The following HRH1 variants were observed in gnomAD, a reference collection of about 807,000 sequenced individuals.
The protein encoded by HRH1 is histamine receptor H1, also known as histamine H1 receptor.
HRH1 carries 6 observed loss-of-function variants against 10.3 expected under a neutral mutation model. The observed-to-expected ratio is 0.58, with a 90% confidence interval of 0.32 to 1.15. The LOEUF (loss-of-function observed/expected upper bound fraction) is 1.15, where lower values mean the gene tolerates loss of function less well. Ranked by LOEUF, HRH1 falls within the 50% of genes most tolerant of loss-of-function variation. The probability of loss-of-function intolerance (pLI) is 0.05; values close to 1 mark genes in which losing one functional copy is unlikely to be tolerated. For missense variants in HRH1, 514 were observed against 615.3 expected, an observed-to-expected ratio of 0.84 and a Z score of 1.74; for synonymous variants, 242 against 236.7, an observed-to-expected ratio of 1.02 and a Z score of -0.21.
At chr3:11,187,036 G>T (rs1207644507) in intron 1 of HRH1, among the ~76,000 whole-genome samples, 1 of 152,152 alleles carries the variant, frequency 6.6e-6, no homozygotes, top group African/African-American at 2.4e-5. Context: ...TGCAAGTACT[G>T]GAAGGTATGA....
Position 11,260,564 on chromosome 3 carries a change from G to T in HRH1, c.*63G>T. ...GATGTCCAACAAGGAAATAGAGGAC[G>T]AAGGCCTGTGTGTTGCCAGGCAGGC... is the stretch of plus-strand genomic sequence containing the variant. On this transcript the variant is annotated 3_prime_UTR_variant, in exon 2 of 2. Coordinates refer to ENST00000431010, the MANE Select transcript of HRH1 (RefSeq NM_001098212.2). The T allele has an allele frequency of 6.9e-7, 1 of 1,459,628 alleles. No individual in the cohort carries two copies. The highest frequency in any genetic ancestry group is 9.3e-7 in the Non-Finnish European group (1 of 1,078,192). 90.4% of individuals were successfully genotyped at this position (1,459,628 alleles called of 1,614,324 possible). A position where few individuals can be genotyped will look rare whatever the true frequency, so the allele number is the denominator to read the frequency against.
intron 1 of HRH1, among the ~76,000 whole-genome samples, chr3:11,175,990 C>T (rs1937240867): frequency 1.3e-5 from 2 of 151,640 alleles, no homozygotes; most frequent in Non-Finnish European, 2.9e-5. Context: ...AAAACCCTGT[C>T]TCTCCAAAAA....
intron 1 of HRH1, among the ~76,000 whole-genome samples, chr3:11,224,200 C>T (rs964830802): frequency 3.3e-5 from 5 of 152,178 alleles, no homozygotes; most frequent in Admixed American, 3.3e-4. Flanking sequence ...CTGAATAAGA[C>T]GTGGCCTCTG....
At chr3:11,188,643 A>C (rs538329877) in intron 1 of HRH1, among the ~76,000 whole-genome samples, 8 of 152,354 alleles carry the variant, frequency 5.3e-5, no homozygotes, top group African/African-American at 1.9e-4. Context: ...AAAATGAGAA[A>C]CACTCTTGAA....
At chr3:11,175,460 C>T (rs1032899698) in intron 1 of HRH1, among the ~76,000 whole-genome samples, 2 of 152,104 alleles carry the variant, frequency 1.3e-5, no homozygotes, top group African/African-American at 4.8e-5. Context: ...TCCTTCAAAC[C>T]CAGTGTCCCT....
rs1255914029 is a variant in HRH1 at position 11,261,109 on chromosome 3, G to A, written c.*608G>A. ...TTTAACAGCTTTCTCCAGAACCAGT[G>A]TCTGAACCACCCTGGAAATTCTGCC... On this transcript the variant is annotated 3_prime_UTR_variant, in exon 2 of 2. Coordinates refer to ENST00000431010, the MANE Select transcript of HRH1 (RefSeq NM_001098212.2). 6.0e-6 allele frequency: 1 copy of A among 167,128 alleles called. No individual in the cohort carries two copies. Among genetic ancestry groups the A allele is most frequent in the Non-Finnish European group, 1.5e-5 (1 of 68,168 alleles). The allele number at this position is 167,128 out of a possible 1,614,324, so 10.4% of individuals were successfully genotyped here.
chr3:11,144,398 C>CCT (rs1559249666), intron 1 of HRH1, among the ~76,000 whole-genome samples: 4 of 148,970 alleles, frequency 2.7e-5, no homozygotes, highest in Admixed American at 6.7e-5. Context: ...TGTATATATA[C>CCT]ATATAGACAT....
intron 1 of HRH1, among the ~76,000 whole-genome samples, chr3:11,208,629 C>T (rs1182905507): frequency 6.6e-6 from 1 of 152,190 alleles, no homozygotes; most frequent in Non-Finnish European, 1.5e-5. Flanking sequence ...CCCATACATA[C>T]GATGTTACAG....
chr3:11,182,521 T>C (rs1003529033), intron 1 of HRH1, among the ~76,000 whole-genome samples: 1 of 152,218 alleles, frequency 6.6e-6, no homozygotes, highest in South Asian at 2.1e-4. Flanking sequence ...ATCCATTTCA[T>C]GGATGAAGGA....
chr3:11,209,972 A>G (rs999272709), intron 1 of HRH1, among the ~76,000 whole-genome samples: 1 of 152,256 alleles, frequency 6.6e-6, no homozygotes, highest in Non-Finnish European at 1.5e-5. Context: ...AACACAAGTT[A>G]GATCGCATCA....
At position 11,260,468 on chromosome 3, in the gene HRH1, G is replaced by A; in HGVS notation, c.1431G>A (p.Lys477=). The A allele has an allele frequency of 6.2e-7, 1 of 1,609,470 alleles. No homozygotes were observed. The highest frequency in any genetic ancestry group is 1.7e-5 in the Admixed American group (1 of 59,566). Residue 477 remains lysine (K), a synonymous_variant, in exon 2 of 2, where the codon AAG becomes AAA. Coordinates refer to ENST00000431010, the MANE Select transcript of HRH1 (RefSeq NM_001098212.2). ...IYPLCNENFK[K]TFKRILHIRS is the part of the protein sequence containing the mutation. Reference sequence around the variant, plus strand: ...CCTTGTGCAATGAGAACTTCAAGAAGACATTCAAGAGAATTCTGCATATTC... The same window carrying A: ...CCTTGTGCAATGAGAACTTCAAGAAAACATTCAAGAGAATTCTGCATATTC...
At chr3:11,255,818 A>G (rs1939767866) in intron 1 of HRH1, among the ~76,000 whole-genome samples, 1 of 152,248 alleles carries the variant, frequency 6.6e-6, no homozygotes, top group Non-Finnish European at 1.5e-5. Flanking sequence ...CTCAGTGAGC[A>G]GAGGTCTGAC....
At chr3:11,222,789 A>T (rs1938749667) in intron 1 of HRH1, among the ~76,000 whole-genome samples, 1 of 151,948 alleles carries the variant, frequency 6.6e-6, no homozygotes, top group Non-Finnish European at 1.5e-5. Context: ...ACACCCTCCC[A>T]CTCCTAATCA....
chr3:11,196,953 CAAAAA>C (rs35134148), intron 1 of HRH1, among the ~76,000 whole-genome samples: 19 of 110,452 alleles, frequency 1.7e-4, no homozygotes, highest in African/African-American at 6.3e-4. Flanking sequence ...ACTAAAAATA[CAAAAA>C]AAAAAAAAAA....
chr3:11,164,763 A>C (rs1211254514), intron 1 of HRH1, among the ~76,000 whole-genome samples: 1 of 152,184 alleles, frequency 6.6e-6, no homozygotes, highest in Non-Finnish European at 1.5e-5. Context: ...ATCAAGCTGG[A>C]AACAGAAACA....
rs1939928938 is a variant in HRH1 at position 11,260,579 on chromosome 3, G to A, written c.*78G>A. On this transcript the variant is annotated 3_prime_UTR_variant, in exon 2 of 2. Coordinates refer to ENST00000431010, the MANE Select transcript of HRH1 (RefSeq NM_001098212.2). ...AATAGAGGACGAAGGCCTGTGTGTT[G>A]CCAGGCAGGCACCTGGGCTTTCTGG... is the stretch of plus-strand genomic sequence containing the variant. The A allele has an allele frequency of 2.2e-6, 3 of 1,364,580 alleles. No homozygotes were observed. The highest frequency in any genetic ancestry group is 2.8e-5 in the South Asian group (2 of 71,434). 84.5% of individuals were successfully genotyped at this position (1,364,580 alleles called of 1,614,324 possible). A position where few individuals can be genotyped will look rare whatever the true frequency, so the allele number is the denominator to read the frequency against.
At chr3:11,240,710 T>A (rs1939310556) in intron 1 of HRH1, among the ~76,000 whole-genome samples, 1 of 152,256 alleles carries the variant, frequency 6.6e-6, no homozygotes. Context: ...GGCATTTTGC[T>A]ATTTGCAGTC....
chr3:11,183,713 T>C lies in HRH1; in HGVS notation c.-36+29159T>C, dbSNP rs369585133. Among the ~76,000 whole-genome samples, 81 of 151,398 alleles carry C rather than the reference T, an allele frequency of 5.4e-4. 2 individuals are homozygous for C. In the South Asian group the frequency reaches 0.016, roughly 30 times the overall value. On this transcript the variant is annotated intron_variant, in intron 1 of 1. Transcript: ENST00000431010. Reference sequence around the variant, plus strand: ...CCGTTTGCCTTTCCATGTTCTAGGCTGGAAATTTCTTTTTTTTTTTTTAAG... The same window carrying C: ...CCGTTTGCCTTTCCATGTTCTAGGCCGGAAATTTCTTTTTTTTTTTTTAAG...
chr3:11,259,154 G>A lies in HRH1; in HGVS notation c.117G>A (p.Leu39=). 1 of 1,613,996 alleles carries A rather than the reference G, an allele frequency of 6.2e-7. No homozygotes were observed. Among genetic ancestry groups the A allele is most frequent in the Non-Finnish European group, 8.5e-7 (1 of 1,180,022 alleles). The change falls in exon 2 of 2, where the codon TTG becomes TTA. Residue 39 remains leucine (L), a synonymous_variant. Transcript: ENST00000431010. The surrounding 1 kb of genome is among the most constrained non-coding windows in gnomAD (Gnocchi z 4.6). ...PLVVVLSTIC[L]VTVGLNLLVL... is the part of the protein sequence containing the mutation. The stretch of plus-strand genomic sequence containing the variant: ...TGGTGGTCCTGAGCACTATCTGCTT[G>A]GTCACAGTAGGGCTCAACCTGCTGG...
Sources: allele counts gnomAD v4.1 joint callset (sites outside exome capture counted in the v4.1 genomes callset), GRCh38; gene constraint gnomAD v4.1.1; non-coding constraint Gnocchi (gnomAD v3.1); transcripts MANE v1.5; gene names NCBI Gene and HGNC (gene_info 2026-07-23, HGNC 2026-07-21).